THOP1: variants seen among roughly 807,000 people sequenced by gnomAD.
THOP1 encodes thimet oligopeptidase 1, also known as thimet oligopeptidase.
In THOP1, 49 loss-of-function variants were observed where a neutral mutation model predicts 71.8. That is an observed-to-expected ratio of 0.68 (90% CI 0.54 to 0.87). The LOEUF is 0.87. Among genes scored for constraint, THOP1 ranks in the 40% least tolerant of loss-of-function variants. The probability of loss-of-function intolerance (pLI) is 0.00; values close to 1 mark genes in which losing one functional copy is unlikely to be tolerated. For missense variants in THOP1, 843 were observed against 975.6 expected, an observed-to-expected ratio of 0.86 and a Z score of 1.81; for synonymous variants, 426 against 421.5, an observed-to-expected ratio of 1.01 and a Z score of -0.13.
At chr19:2,802,351 C>G (rs1373293557) in intron 5 of THOP1, among the ~76,000 whole-genome samples, 2 of 143,204 alleles carry the variant, frequency 1.4e-5, no homozygotes, top group East Asian at 4.2e-4. Flanking sequence ...ACACCAACAC[C>G]TCCCAACACC....
chr19:2,804,995 A>T lies in THOP1; in HGVS notation c.590-21A>T. On this transcript the variant is annotated intron_variant, in intron 5 of 12. Transcript: ENST00000307741. This position sits in a 1 kb window ranked among gnomAD's most constrained non-coding sequence, Gnocchi z 4.7. ...TGGGCCCATCAGTCCTGTCAAAGCC[A>T]CCCTGGTTCTGTCCCCATAGGAGGG... is the stretch of plus-strand genomic sequence containing the variant. The T allele has an allele frequency of 6.2e-7, 1 of 1,604,698 alleles. No homozygotes were observed. The highest frequency in any genetic ancestry group is 8.5e-7 in the Non-Finnish European group (1 of 1,175,736).
intron 3 of THOP1, among the ~76,000 whole-genome samples, chr19:2,795,841 G>A (rs1916000942): frequency 6.6e-6 from 1 of 152,214 alleles, no homozygotes; most frequent in Non-Finnish European, 1.5e-5. Context: ...TTCCCATTCA[G>A]CCATCGCACT....
Position 2,796,379 on chromosome 19 carries a change from C to T in THOP1, c.486+191C>T, listed in dbSNP as rs577373769. Among the ~76,000 whole-genome samples, 28 of 139,426 alleles carry T rather than the reference C, an allele frequency of 2.0e-4. No homozygotes were observed. The South Asian group carries it at 4.2e-3, about 21-fold the overall frequency. The allele number at this position is 139,426 out of a possible 152,430, so 91.5% of individuals were successfully genotyped here. ...GGAGTGCTGGGTTCAGGGAGTGCTG[C>T]GTCCCGGGGAGTGCTGGACTCAGGG... On this transcript the variant is annotated intron_variant, in intron 4 of 12. Coordinates refer to ENST00000307741, the MANE Select transcript of THOP1 (RefSeq NM_003249.5).
Position 2,813,318 on chromosome 19 carries a change from C to T in THOP1, c.*42C>T, listed in dbSNP as rs539494735. ...TGCCCAGTCTGGCCTGCGCTCCCGC[C>T]GCCCTGGTGCCTTAGCCCCCGGCAC... On this transcript the variant is annotated 3_prime_UTR_variant, in exon 13 of 13. Coordinates refer to ENST00000307741, the MANE Select transcript of THOP1 (RefSeq NM_003249.5). 9.2e-5 allele frequency: 143 copies of T among 1,549,122 alleles called. 2 individuals carry two copies. In the South Asian group the frequency reaches 1.5e-3, roughly 16 times the overall value.
rs756675595 is a variant in THOP1 at position 2,810,686 on chromosome 19, C to A, written c.1689C>A (p.Ala563=). Residue 563 remains alanine (A), a synonymous_variant, in exon 11 of 13, where the codon GCC becomes GCA. Coordinates refer to ENST00000307741, the MANE Select transcript of THOP1 (RefSeq NM_003249.5). The stretch of plus-strand genomic sequence containing the variant: ...TCGTCCTCGCCAAGGTGGACCAGGC[C>A]CTGCACACGCAGACGGACGCAGACC... ...RQIVLAKVDQ[A]LHTQTDADPA... is the part of the protein sequence containing the mutation. 4 of 1,570,078 alleles carry A rather than the reference C, an allele frequency of 2.5e-6. No homozygotes were observed. The African/African-American group carries it at 5.4e-5, about 21-fold the overall frequency.
chr19:2,790,281 G>A, intron 1 of THOP1, 140 bp from the exon 2 acceptor site: 1 of 753,894 alleles, frequency 1.3e-6, no homozygotes, highest in South Asian at 2.1e-5. Context: ...TGGTCAGTCT[G>A]TGCTTCCCTA....
chr19:2,798,060 A>T (rs955760000), intron 4 of THOP1, among the ~76,000 whole-genome samples: 1 of 151,890 alleles, frequency 6.6e-6, no homozygotes, highest in East Asian at 1.9e-4. Context: ...AGGGAGTCAC[A>T]CTCTGTCTCC....
At chr19:2,795,360 G>T (rs114454559) in intron 3 of THOP1, among the ~76,000 whole-genome samples, 2 of 152,240 alleles carry the variant, frequency 1.3e-5, no homozygotes, top group Admixed American at 6.5e-5. Flanking sequence ...GCATGGCTGC[G>T]TGGGCTCCTG....
chr19:2,804,793 G>A lies in THOP1; in HGVS notation c.590-223G>A, dbSNP rs558295245. 7.7e-5 allele frequency: 40 copies of A among 520,870 alleles called. No homozygotes were observed. Among genetic ancestry groups the A allele is most frequent in the East Asian group, 7.6e-4 (22 of 29,044 alleles). 32.3% of individuals were successfully genotyped at this position (520,870 alleles called of 1,614,324 possible). On this transcript the variant is annotated intron_variant, in intron 5 of 12. Coordinates refer to ENST00000307741, the MANE Select transcript of THOP1 (RefSeq NM_003249.5). The surrounding 1 kb of genome is among the most constrained non-coding windows in gnomAD (Gnocchi z 4.7). ...GGGTTAGAGGCGGGACGTGAGAAACGTGGCAGGTGGTGGCCAGGCTGTGGG... is the reference window on the plus strand; with the variant it reads ...GGGTTAGAGGCGGGACGTGAGAAACATGGCAGGTGGTGGCCAGGCTGTGGG...
At chr19:2,787,322 A>G (rs908180438) in intron 1 of THOP1, among the ~76,000 whole-genome samples, 7 of 152,280 alleles carry the variant, frequency 4.6e-5, no homozygotes, top group Admixed American at 6.5e-5. Context: ...GATAATTGTA[A>G]TAATGATAGT....
In THOP1 at chr19:2,794,918, G is replaced by A; in HGVS notation, c.378+6G>A. ...AGAGGATCGTGTGGCTCCAGGTGAG[G>A]GGGCCCTGCGGGGAGTGCAAATAGC... On this transcript the variant is annotated splice_donor_region_variant and intron_variant, in intron 3 of 12. Transcript: ENST00000307741. The A allele has an allele frequency of 6.2e-7, 1 of 1,602,978 alleles. No homozygotes were observed. Among genetic ancestry groups the A allele is most frequent in the Non-Finnish European group, 8.5e-7 (1 of 1,170,714 alleles).
Position 2,811,579 on chromosome 19 carries a change from T to C in THOP1, c.1772-19T>C, listed in dbSNP as rs732126. ...GGGGTGGGGGCTACAGCGTGAACCC[T>C]GCCATGTGTCCGCCCCAGGAACCAA... On this transcript the variant is annotated intron_variant, in intron 11 of 12. Coordinates refer to ENST00000307741, the MANE Select transcript of THOP1 (RefSeq NM_003249.5). 1.1e-3 allele frequency: 1,731 copies of C among 1,609,520 alleles called. 16 individuals carry two copies. The African/African-American group carries it at 0.021, about 19-fold the overall frequency.
rs759968805 is a variant in THOP1, at chr19:2,808,435, C to T, written c.1446C>T (p.Leu482=). ...AGTTTGGCCACGTGATGCACCAGCT[C>T]TGCTCCCAGGTGGGTGCGGGCCCGG... ...FHEFGHVMHQ[L]CSQAEFAMFS... Residue 482 remains leucine (L), a synonymous_variant, in exon 9 of 13, where the codon CTC becomes CTT. Transcript: ENST00000307741. 19 of 1,605,166 alleles carry T rather than the reference C, an allele frequency of 1.2e-5. No homozygotes were observed. The Admixed American group carries it at 2.8e-4, about 24-fold the overall frequency.
At chr19:2,791,371 G>GA (rs1428004129) in intron 2 of THOP1, among the ~76,000 whole-genome samples, 1 of 151,818 alleles carries the variant, frequency 6.6e-6, no homozygotes, top group Non-Finnish European at 1.5e-5. Flanking sequence ...GAACCATCGA[G>GA]AATCCTTGAG....
At chr19:2,790,393 C>T in intron 1 of THOP1, 28 bp from the exon 2 acceptor site, 1 of 1,504,670 alleles carries the variant, frequency 6.6e-7, no homozygotes, top group Non-Finnish European at 8.9e-7. Context: ...AGCAGACCCG[C>T]CCGGCACTGG....
In THOP1 at chr19:2,790,615, G is replaced by A. The variant is rs1349830999; in HGVS notation, c.211G>A (p.Val71Met). Residue 71 changes from valine to methionine, a missense_variant, in exon 2 of 13, where the codon GTG becomes ATG. Coordinates refer to ENST00000307741, the MANE Select transcript of THOP1 (RefSeq NM_003249.5). ...GAGCACGCTCAAGGCGCTGGCCGAT[G>A]TGGAGGTCACCTACACAGGTAAGTC... The part of the protein sequence containing the change: ...YESTLKALAD[V>M]EVTYTVQRNI... The A allele has an allele frequency of 6.4e-7, 1 of 1,572,430 alleles. No homozygotes were observed. The highest frequency in any genetic ancestry group is 1.4e-5 in the African/African-American group (1 of 73,786).
Position 2,785,512 on chromosome 19 carries a change from C to G in THOP1, c.-151C>G, listed in dbSNP as rs940059796. ...GTGCGCGCGCCGCCCCAGCATGCCC[C>G]GGGAGCGCGGGCGGCGGGCCCCTTG... is the stretch of plus-strand genomic sequence containing the variant. On this transcript the variant is annotated 5_prime_UTR_variant, in exon 1 of 13. Coordinates refer to ENST00000307741, the MANE Select transcript of THOP1 (RefSeq NM_003249.5). 1.2e-6 allele frequency: 1 copy of G among 821,188 alleles called. No homozygotes were observed. Among genetic ancestry groups the G allele is most frequent in the Non-Finnish European group, 1.7e-6 (1 of 598,476 alleles). The allele number at this position is 821,188 out of a possible 1,614,324, so 50.9% of individuals were successfully genotyped here.
At chr19:2,788,395 G>A (rs902727564) in intron 1 of THOP1, among the ~76,000 whole-genome samples, 2 of 152,162 alleles carry the variant, frequency 1.3e-5, no homozygotes, top group African/African-American at 4.8e-5. Flanking sequence ...TCCCCTTCCT[G>A]TCCCTTTCCA....
At chr19:2,787,151 G>A (rs1050423696) in intron 1 of THOP1, 4 of 152,102 alleles carry the variant, frequency 2.6e-5, no homozygotes, top group Non-Finnish European at 5.9e-5. Flanking sequence ...CGTCTGCTTC[G>A]ACCTCCGAAA....
Sources: allele counts gnomAD v4.1 joint callset (sites outside exome capture counted in the v4.1 genomes callset), GRCh38; gene constraint gnomAD v4.1.1; non-coding constraint Gnocchi (gnomAD v3.1); transcripts MANE v1.5; gene names NCBI Gene and HGNC (gene_info 2026-07-23, HGNC 2026-07-21).